Variants in AGBL4 observed in about 807,000 individuals in gnomAD.
The protein encoded by AGBL4 is cytosolic carboxypeptidase 6.
AGBL4 carries 58 observed loss-of-function variants against 66.4 expected under a neutral mutation model. That is an observed-to-expected ratio of 0.87 (90% confidence interval 0.71 to 1.09). The LOEUF (loss-of-function observed/expected upper bound fraction) is 1.09, where lower values mean the gene tolerates loss of function less well. AGBL4 is among the 50% of genes least tolerant of loss of function. AGBL4 has a pLI of 0.00. For synonymous variants in AGBL4, 234 were observed against 222.9 expected, an observed-to-expected ratio of 1.05 and a Z score of -0.44; for missense variants, 579 against 631.0, an observed-to-expected ratio of 0.92 and a Z score of 0.88.
At chr1:49,469,282 T>C (rs1029565134) in intron 3 of AGBL4, among the ~76,000 whole-genome samples, 7 of 151,876 alleles carry the variant, frequency 4.6e-5, no homozygotes, top group Non-Finnish European at 8.8e-5. Context: ...TAGGGAAATA[T>C]CTTTTAAATT....
chr1:49,772,851 T>A (rs1444038045), intron 2 of AGBL4, among the ~76,000 whole-genome samples: 2 of 152,198 alleles, frequency 1.3e-5, no homozygotes, highest in African/African-American at 4.8e-5. Context: ...ACTAGGGACC[T>A]TTGAGCCTCC....
chr1:50,006,295 C>T (rs933249943), intron 1 of AGBL4, among the ~76,000 whole-genome samples: 4 of 149,916 alleles, frequency 2.7e-5, no homozygotes, highest in South Asian at 2.1e-4. Flanking sequence ...GCCAAGATTG[C>T]GCCACTGCAC....
intron 2 of AGBL4, among the ~76,000 whole-genome samples, chr1:49,712,916 A>G (rs1353315854): frequency 6.6e-6 from 1 of 151,990 alleles, no homozygotes; most frequent in South Asian, 2.1e-4. Flanking sequence ...TTGACCTAAA[A>G]GCATGTGGAG....
chr1:49,277,015 T>A (rs1381196175), intron 3 of AGBL4, among the ~76,000 whole-genome samples: 1 of 150,584 alleles, frequency 6.6e-6, no homozygotes, highest in African/African-American at 2.4e-5. Flanking sequence ...GTTTCAGTAA[T>A]CAAACCATGC....
intron 1 of AGBL4, among the ~76,000 whole-genome samples, chr1:49,900,177 G>A (rs1420065489): frequency 6.6e-6 from 1 of 152,146 alleles, no homozygotes; most frequent in Non-Finnish European, 1.5e-5. Flanking sequence ...GCTTCTAACT[G>A]TAGAAGCTAG....
Position 48,867,249 on chromosome 1 carries a change from T to C in AGBL4, c.595-19A>G. ...GTTGTTGCTGCAAAAGAAAACACAC[T>C]GTGAGGGCACTGATTTGAGCCAGAG... is the stretch of plus-strand genomic sequence containing the variant. On this transcript the variant is annotated intron_variant, in intron 5 of 13. Coordinates refer to ENST00000371839, the MANE Select transcript of AGBL4 (RefSeq NM_032785.4). The C allele has an allele frequency of 2.5e-6, 4 of 1,613,008 alleles. No homozygotes were observed. The highest frequency in any genetic ancestry group is 3.4e-6 in the Non-Finnish European group (4 of 1,179,584).
intron 3 of AGBL4, among the ~76,000 whole-genome samples, chr1:49,518,049 C>T (rs1282541678): frequency 6.6e-6 from 1 of 152,070 alleles, no homozygotes. Flanking sequence ...AGTCCATAGA[C>T]TGAAGTATAA....
At chr1:48,940,424 C>T (rs996963846) in intron 5 of AGBL4, among the ~76,000 whole-genome samples, 8 of 152,094 alleles carry the variant, frequency 5.3e-5, no homozygotes, top group African/African-American at 1.7e-4. Flanking sequence ...GTTCAAGTGA[C>T]GGGCTCAAAG....
intron 3 of AGBL4, among the ~76,000 whole-genome samples, chr1:49,439,812 C>T (rs933086427): frequency 2.6e-5 from 4 of 152,316 alleles, no homozygotes; most frequent in African/African-American, 9.6e-5. Context: ...GAGACTTCGA[C>T]TGGCTTTCCT....
chr1:49,053,400 T>G (rs906451231), intron 4 of AGBL4, among the ~76,000 whole-genome samples: 3 of 152,152 alleles, frequency 2.0e-5, no homozygotes, highest in African/African-American at 7.2e-5. Context: ...TACCTTCAGT[T>G]TCCAAATGGT....
intron 11 of AGBL4, among the ~76,000 whole-genome samples, chr1:48,555,930 G>A (rs1224527449): frequency 6.6e-6 from 1 of 152,174 alleles, no homozygotes; most frequent in Non-Finnish European, 1.5e-5. Context: ...CTGCATGGTG[G>A]TGTTCCCATC....
chr1:49,203,248 G>C (rs893241158), intron 4 of AGBL4, among the ~76,000 whole-genome samples: 1 of 152,050 alleles, frequency 6.6e-6, no homozygotes, highest in African/African-American at 2.4e-5. Context: ...ACTACAGTAT[G>C]ATCCAGGAAC....
chr1:49,486,929 A>G (rs1354906347), intron 3 of AGBL4, among the ~76,000 whole-genome samples: 2 of 152,032 alleles, frequency 1.3e-5, no homozygotes, highest in East Asian at 3.9e-4. Context: ...AATTCAAGCT[A>G]TGACATAACT....
At chr1:49,896,658 T>C (rs911615707) in intron 1 of AGBL4, among the ~76,000 whole-genome samples, 26 of 133,882 alleles carry the variant, frequency 1.9e-4, no homozygotes, top group Non-Finnish European at 3.7e-4. Flanking sequence ...CACACACAAC[T>C]AAATGCTAAT....
intron 3 of AGBL4, among the ~76,000 whole-genome samples, chr1:49,355,437 T>C (rs1643999811): frequency 1.3e-5 from 2 of 152,170 alleles, no homozygotes; most frequent in Non-Finnish European, 2.9e-5. Context: ...TCTCCACTAA[T>C]ACAATTCTGG....
chr1:49,225,573 CT>C (rs1184601848), intron 4 of AGBL4, among the ~76,000 whole-genome samples: 1 of 152,204 alleles, frequency 6.6e-6, no homozygotes, highest in African/African-American at 2.4e-5. Flanking sequence ...AGGATACACT[CT>C]CCAGGTGGGG....
chr1:49,803,379 T>C (rs1454502028), intron 2 of AGBL4, among the ~76,000 whole-genome samples: 1 of 152,192 alleles, frequency 6.6e-6, no homozygotes, highest in Non-Finnish European at 1.5e-5. Flanking sequence ...TACTTTTGTC[T>C]CTACTGCTTC....
intron 9 of AGBL4, among the ~76,000 whole-genome samples, chr1:48,594,096 T>A (rs1569929903): frequency 1.3e-5 from 2 of 152,076 alleles, no homozygotes. Context: ...GAGGCTGAGG[T>A]GGGTGGATCA....
chr1:49,575,461 A>G (rs1251341785), intron 3 of AGBL4, among the ~76,000 whole-genome samples: 1 of 152,234 alleles, frequency 6.6e-6, no homozygotes, highest in East Asian at 1.9e-4. Flanking sequence ...TAGAAAAAAT[A>G]GTAAATCAGA....
Sources: gnomAD v4.1 joint callset for allele counts (sites outside exome capture counted in the v4.1 genomes callset) on GRCh38, gnomAD v4.1.1 for gene constraint, MANE v1.5 for transcripts, NCBI Gene and HGNC (gene_info 2026-07-23, HGNC 2026-07-21) for gene names.